PDE1C: variants seen among roughly 807,000 people sequenced by gnomAD.
The protein encoded by PDE1C is phosphodiesterase 1C, also known as dual specificity calcium/calmodulin-dependent 3',5'-cyclic nucleotide phosphodiesterase 1C.
Under a neutral mutation model 93.1 loss-of-function variants are expected in PDE1C, and 62 were observed. That is an observed-to-expected ratio of 0.67 (90% confidence interval 0.54 to 0.82). The LOEUF is 0.82. Among genes scored for constraint, PDE1C ranks in the 40% least tolerant of loss-of-function variants. PDE1C has a pLI of 0.00. For missense variants in PDE1C, 742 were observed against 884.6 expected, an observed-to-expected ratio of 0.84 and a Z score of 2.04; for synonymous variants, 325 against 310.1, an observed-to-expected ratio of 1.05 and a Z score of -0.50.
chr7:32,170,858 T>C (rs1280058391), intron 2 of PDE1C, among the ~76,000 whole-genome samples: 1 of 152,064 alleles, frequency 6.6e-6, no homozygotes, highest in African/African-American at 2.4e-5. Flanking sequence ...ACACCCCATC[T>C]ACCTCCCTTA....
intron 2 of PDE1C, among the ~76,000 whole-genome samples, chr7:31,892,491 A>G (rs566824725): frequency 6.6e-6 from 1 of 152,312 alleles, no homozygotes; most frequent in Admixed American, 6.5e-5. Flanking sequence ...GGACTCTAAG[A>G]TATGAAGCAC....
intron 2 of PDE1C, among the ~76,000 whole-genome samples, chr7:31,930,863 A>T (rs1584034402): frequency 6.7e-6 from 1 of 148,978 alleles, no homozygotes; most frequent in African/African-American, 2.5e-5. Flanking sequence ...AAAAAAAAAA[A>T]AAAAAAAAAA....
chr7:32,232,178 T>C (rs1302469813), intron 1 of PDE1C, among the ~76,000 whole-genome samples: 1 of 152,142 alleles, frequency 6.6e-6, no homozygotes, highest in Non-Finnish European at 1.5e-5. Context: ...ACCAAACTAG[T>C]GGCAAATTTT....
chr7:32,133,613 T>C (rs913477246), intron 3 of PDE1C, among the ~76,000 whole-genome samples: 1 of 152,134 alleles, frequency 6.6e-6, no homozygotes, highest in Non-Finnish European at 1.5e-5. Flanking sequence ...AAATGAAATC[T>C]GAGTGACCAC....
At chr7:31,787,261 T>A (rs919384601) in intron 16 of PDE1C, 2 of 152,172 alleles carry the variant, frequency 1.3e-5, no homozygotes, top group African/African-American at 4.8e-5. Flanking sequence ...ACTGTTTAAG[T>A]GTATCAGATC....
chr7:32,313,562 A>T (rs1461135290), intron 1 of PDE1C, among the ~76,000 whole-genome samples: 3 of 152,214 alleles, frequency 2.0e-5, no homozygotes, highest in African/African-American at 7.2e-5. Context: ...ACCATGGAAT[A>T]CTATGCAGCC....
chr7:32,038,047 T>C (rs1056577063), intron 2 of PDE1C, among the ~76,000 whole-genome samples: 1 of 152,150 alleles, frequency 6.6e-6, no homozygotes, highest in Non-Finnish European at 1.5e-5. Context: ...TTTAAATATA[T>C]GGTGGAAACA....
chr7:31,792,313 T>C (rs1460149761), intron 16 of PDE1C, among the ~76,000 whole-genome samples: 2 of 152,150 alleles, frequency 1.3e-5, no homozygotes, highest in African/African-American at 4.8e-5. Flanking sequence ...TTCTTGCATG[T>C]AGTGCAATGC....
intron 3 of PDE1C, among the ~76,000 whole-genome samples, chr7:32,138,753 CAAAT>C (rs1001831490): frequency 1.2e-4 from 19 of 152,262 alleles, no homozygotes; most frequent in African/African-American, 4.1e-4. Flanking sequence ...GATAAACTGA[CAAAT>C]AACTTACAGT....
intron 6 of PDE1C, among the ~76,000 whole-genome samples, chr7:31,870,902 G>A (rs1399757449): frequency 6.6e-6 from 1 of 150,984 alleles, no homozygotes; most frequent in African/African-American, 2.4e-5. Flanking sequence ...ATTATTTTAT[G>A]GTATTAGTAT....
At position 31,968,260 on chromosome 7, in the gene PDE1C, G is replaced by C. The variant is rs1370304988; in HGVS notation, c.128+83294C>G. Among the ~76,000 whole-genome samples, 3 of 152,312 alleles carry C rather than the reference G, an allele frequency of 2.0e-5. No homozygotes were observed. The East Asian group carries it at 5.8e-4, about 29-fold the overall frequency. Reference sequence around the variant, plus strand: ...TAAGCTAATAAGCAACTTCAGCTAAGTCTCAGGATACAAAATCAATGTGCA... The same window carrying C: ...TAAGCTAATAAGCAACTTCAGCTAACTCTCAGGATACAAAATCAATGTGCA... On this transcript the variant is annotated intron_variant, in intron 2 of 17. Transcript: ENST00000396191.
intron 1 of PDE1C, among the ~76,000 whole-genome samples, chr7:32,232,500 C>G (rs11764155): frequency 0.32 from 48,969 of 152,098 alleles, 8,888 homozygotes; most frequent in African/African-American, 0.49. Flanking sequence ...GCCCAGTGGC[C>G]TGAAATTCAG....
At chr7:32,391,759 A>T (rs964545572) in intron 1 of PDE1C, among the ~76,000 whole-genome samples, 10 of 152,184 alleles carry the variant, frequency 6.6e-5, no homozygotes, top group African/African-American at 2.4e-4. Flanking sequence ...AGAAGAAATT[A>T]CAGGGAAAGT....
intron 1 of PDE1C, among the ~76,000 whole-genome samples, chr7:32,223,288 T>G (rs1017014702): frequency 6.6e-6 from 1 of 152,228 alleles, no homozygotes; most frequent in African/African-American, 2.4e-5. Flanking sequence ...GTGGCCACCC[T>G]GACAGACCGT....
intron 2 of PDE1C, among the ~76,000 whole-genome samples, chr7:32,006,664 A>C (rs1219823083): frequency 1.3e-5 from 2 of 152,244 alleles, no homozygotes; most frequent in African/African-American, 4.8e-5. Flanking sequence ...TAGGCACAGC[A>C]GGAAACAAAA....
At chr7:31,650,862 T>C in the PDE1C span, among the ~76,000 whole-genome samples, 1 of 152,174 alleles carries the variant, frequency 6.6e-6, no homozygotes, top group African/African-American at 2.4e-5. Flanking sequence ...TGCATCCCTA[T>C]GTCACCTAGG....
chr7:32,404,143 T>A, intron 1 of PDE1C, among the ~76,000 whole-genome samples: 1 of 152,094 alleles, frequency 6.6e-6, no homozygotes, highest in Non-Finnish European at 1.5e-5. Context: ...TTCCTTAAGC[T>A]CTCTGTGCTT....
intron 15 of PDE1C, among the ~76,000 whole-genome samples, chr7:31,814,065 C>T (rs115215701): frequency 0.026 from 3,940 of 148,802 alleles, 65 homozygotes; most frequent in East Asian, 0.06. Context: ...CACACACGCA[C>T]GCGTGCATAT....
intron 7 of PDE1C, among the ~76,000 whole-genome samples, chr7:31,851,233 A>C (rs1793307115): frequency 6.6e-6 from 1 of 152,202 alleles, no homozygotes; most frequent in Non-Finnish European, 1.5e-5. Flanking sequence ...TGCTCTATGC[A>C]TGCTGATGAT....
Sources: gnomAD v4.1 joint callset for allele counts (sites outside exome capture counted in the v4.1 genomes callset) on GRCh38, gnomAD v4.1.1 for gene constraint, MANE v1.5 for transcripts, NCBI Gene and HGNC (gene_info 2026-07-23, HGNC 2026-07-21) for gene names.